The following SPAST variants were observed in gnomAD, a reference collection of about 807,000 sequenced individuals.
SPAST encodes spastin.
A neutral mutation model predicts 76.6 loss-of-function variants in SPAST; 30 were observed. The observed-to-expected ratio is 0.39, with a 90% CI of 0.29 to 0.53. The LOEUF is 0.53. SPAST is among the 20% of genes least tolerant of loss of function. SPAST has a pLI of 0.68. For synonymous variants in SPAST, 305 were observed against 281.0 expected (o/e 1.09, Z -0.86); for missense variants, 717 against 770.5 (o/e 0.93, Z 0.82).
At chr2:32,083,878 A>C (rs1677365728) in intron 1 of SPAST, among the ~76,000 whole-genome samples, 1 of 148,294 alleles carries the variant, frequency 6.7e-6, no homozygotes, top group African/African-American at 2.5e-5. Context: ...TCCCAGGTTC[A>C]AGTGATTCTC....
At chr2:32,089,663 C>G (rs537681646) in intron 3 of SPAST, 58 bp downstream of exon 3, 10 of 923,060 alleles carry the variant, frequency 1.1e-5, no homozygotes, top group Non-Finnish European at 1.8e-5. Context: ...TTCAATGAAA[C>G]TTTAATTTGT....
intron 3 of SPAST, among the ~76,000 whole-genome samples, chr2:32,090,138 A>T (rs568770828): frequency 6.6e-6 from 1 of 152,334 alleles, no homozygotes; most frequent in Non-Finnish European, 1.5e-5. Flanking sequence ...TGATTTATTT[A>T]TACCAAGGGC....
At chr2:32,148,679 C>T (rs569179747) in intron 16 of SPAST, among the ~76,000 whole-genome samples, 3 of 152,092 alleles carry the variant, frequency 2.0e-5, no homozygotes, top group Admixed American at 6.5e-5. Context: ...GGCGTGGTGG[C>T]GGGCACCTGT....
At chr2:32,126,664 T>G (rs933619210) in intron 7 of SPAST, 2 of 232,084 alleles carry the variant, frequency 8.6e-6, no homozygotes, top group African/African-American at 2.3e-5. Context: ...TTTTTTAATT[T>G]TTTGTAGAAG....
rs1680203953 is a variant in SPAST at position 32,154,895 on chromosome 2, C to T, written c.*399C>T. The stretch of plus-strand genomic sequence containing the variant: ...GTTTGTTTGTCTTCTGATGTTTTTT[C>T]TTAAAATAGTAATTTCTCCTACTTT... On this transcript the variant is annotated 3_prime_UTR_variant, in exon 17 of 17. Coordinates refer to ENST00000315285, the MANE Select transcript of SPAST (RefSeq NM_014946.4). The T allele has an allele frequency of 1.7e-5, 3 of 172,340 alleles. No individual in the cohort carries two copies. The South Asian group carries it at 4.2e-4, about 24-fold the overall frequency. The allele number at this position is 172,340 out of a possible 1,614,324, so 10.7% of individuals were successfully genotyped here. A position where few individuals can be genotyped will look rare whatever the true frequency, so the allele number is the denominator to read the frequency against.
chr2:32,063,695 C>T lies in SPAST; in HGVS notation c.-137C>T, dbSNP rs1676374680. On this transcript the variant is annotated 5_prime_UTR_variant, in exon 1 of 17. Coordinates refer to ENST00000315285, the MANE Select transcript of SPAST (RefSeq NM_014946.4). ...AGGGGCGGGGCCGGCGGGCAGCGTG[C>T]GGCAGTGCGGAGCTCCTGAGACCGG... 7.8e-6 allele frequency: 9 copies of T among 1,152,340 alleles called. No homozygotes were observed. The highest frequency in any genetic ancestry group is 9.6e-6 in the Non-Finnish European group (8 of 834,216). 71.4% of individuals were successfully genotyped at this position (1,152,340 alleles called of 1,614,324 possible).
rs1679426707 is a variant in SPAST at position 32,133,113 on chromosome 2, A to C, written c.1246-3450A>C. ...TTGTGTCTCATGATCTATCCTGAGA[A>C]AGCTTTTGGGAGGAACTGCATCATA... On this transcript the variant is annotated intron_variant, in intron 9 of 16. Transcript: ENST00000315285. 2.0e-5 allele frequency among the ~76,000 whole-genome samples: 3 copies of C among 152,264 alleles called. No individual in the cohort carries two copies. The South Asian group carries it at 6.2e-4, about 32-fold the overall frequency.
At position 32,114,629 on chromosome 2, in the gene SPAST, C is replaced by T. The variant is rs202209866; in HGVS notation, c.683-9C>T. 1.3e-3 allele frequency: 2,135 copies of T among 1,612,488 alleles called. 28 individuals are homozygous for T. The South Asian group carries it at 0.015, about 12-fold the overall frequency. On this transcript the variant is annotated splice_polypyrimidine_tract_variant and intron_variant, in intron 4 of 16. Coordinates refer to ENST00000315285, the MANE Select transcript of SPAST (RefSeq NM_014946.4). ...TCTAATCACAATGGTTTTACTTTTT[C>T]CTTGTCAGAAAGTGGAGCTGTTCCA...
At chr2:32,128,017 G>C (rs1679251142) in intron 8 of SPAST, 1 of 173,590 alleles carries the variant, frequency 5.8e-6, no homozygotes, top group African/African-American at 2.4e-5. Context: ...TTTTTTTTTA[G>C]ACAGTCTTAC....
At chr2:32,111,495 G>A (rs1192381470) in intron 4 of SPAST, among the ~76,000 whole-genome samples, 1 of 150,286 alleles carries the variant, frequency 6.7e-6, no homozygotes, top group African/African-American at 2.4e-5. Context: ...GTTATTTTTA[G>A]TAATATCAAA....
chr2:32,114,539 TA>T (rs1678748395), intron 4 of SPAST, 98 bp from the exon 5 acceptor site: 4 of 924,540 alleles, frequency 4.3e-6, no homozygotes, highest in Non-Finnish European at 5.0e-6. Flanking sequence ...ATTTTTGAAT[TA>T]AAAAAATATA....
chr2:32,115,288 C>G (rs188131536), intron 5 of SPAST, among the ~76,000 whole-genome samples: 23 of 152,136 alleles, frequency 1.5e-4, no homozygotes, highest in Admixed American at 1.4e-3. Flanking sequence ...TGCTATAAAA[C>G]TTTTTTTGGA....
rs1243604890 is a variant in SPAST, at chr2:32,063,961, T to C, written c.130T>C (p.Ser44Pro). Residue 44 changes from serine (S) to proline (P), a missense_variant, in exon 1 of 17, where the codon TCG (serine) becomes CCG (proline). Ser to Pro is a moderately conservative substitution (Grantham distance 74). Transcript: ENST00000315285. ...PAAGPAPPPESPHKRNLYYFS... is the reference protein window; with the variant it reads ...PAAGPAPPPEPPHKRNLYYFS... ...CGCCGGGCCGGCCCCTCCGCCCGAG[T>C]CGCCGCATAAGCGGAACCTGTACTA... 6.2e-7 allele frequency: 1 copy of C among 1,611,550 alleles called. No individual in the cohort carries two copies. The highest frequency in any genetic ancestry group is 1.1e-5 in the South Asian group (1 of 90,842).
intron 3 of SPAST, among the ~76,000 whole-genome samples, chr2:32,093,555 T>C (rs1677805396): frequency 6.6e-6 from 1 of 152,258 alleles, no homozygotes; most frequent in Middle Eastern, 3.4e-3. Context: ...CTTATTTTTT[T>C]CCCATATATT....
chr2:32,083,245 C>T (rs1677311491), intron 1 of SPAST, among the ~76,000 whole-genome samples: 1 of 152,096 alleles, frequency 6.6e-6, no homozygotes, highest in Non-Finnish European at 1.5e-5. Context: ...TGTGAGCCAC[C>T]ATGCCCATCC....
At chr2:32,068,932 G>C (rs890630168) in intron 1 of SPAST, among the ~76,000 whole-genome samples, 4 of 150,624 alleles carry the variant, frequency 2.7e-5, no homozygotes, top group African/African-American at 9.8e-5. Flanking sequence ...GGCTCAAGCC[G>C]GGTGCAGTGG....
intron 3 of SPAST, among the ~76,000 whole-genome samples, chr2:32,091,385 A>G (rs994199174): frequency 3.3e-5 from 5 of 150,522 alleles, no homozygotes; most frequent in African/African-American, 7.3e-5. Context: ...GGTTCAAACT[A>G]TTCTCGTGAT....
At chr2:32,089,924 C>G (rs1677645683) in intron 3 of SPAST, among the ~76,000 whole-genome samples, 2 of 152,080 alleles carry the variant, frequency 1.3e-5, no homozygotes, top group African/African-American at 4.8e-5. Context: ...CCACCACGCC[C>G]CGCTAATTTT....
chr2:32,076,713 G>T (rs1201787977), intron 1 of SPAST, among the ~76,000 whole-genome samples: 1 of 151,854 alleles, frequency 6.6e-6, no homozygotes, highest in Admixed American at 6.6e-5. Context: ...GAGAACAGGG[G>T]CCATAATCAG....
Sources: allele counts gnomAD v4.1 joint callset (sites outside exome capture counted in the v4.1 genomes callset), GRCh38; gene constraint gnomAD v4.1.1; transcripts MANE v1.5; gene names NCBI Gene and HGNC (gene_info 2026-07-23, HGNC 2026-07-21).